RAG1: variants seen among roughly 807,000 people sequenced by gnomAD.
The protein encoded by RAG1 is V(D)J recombination-activating protein 1.
In RAG1, 35 loss-of-function variants were observed where a neutral mutation model predicts 62.7. The observed-to-expected ratio is 0.56, with a 90% CI of 0.43 to 0.74. The LOEUF is 0.74. Ranked by LOEUF, RAG1 falls within the 30% of genes least tolerant of loss-of-function variation. RAG1 has a pLI of 0.00. For missense variants in RAG1, 1,169 were observed against 1,278.6 expected (o/e 0.91, Z 1.31); for synonymous variants, 461 against 470.3 (o/e 0.98, Z 0.26).
At chr11:36,510,901 T>G (rs775240656) in exon 1 of RAG1, 1 of 152,046 alleles carries the variant, frequency 6.6e-6, no homozygotes, top group African/African-American at 2.4e-5. Context: ...CACAAAAGAG[T>G]TTCATCCACC....
chr11:36,528,953 G>A (rs940097433), intron 2 of RAG1, among the ~76,000 whole-genome samples: 10 of 152,016 alleles, frequency 6.6e-5, no homozygotes, highest in East Asian at 1.9e-4. Context: ...AGGAGAAGTC[G>A]AATCTCTGTA....
exon 1 of RAG1, chr11:36,510,872 A>G (rs1353073607): frequency 6.6e-6 from 1 of 152,220 alleles, no homozygotes; most frequent in Non-Finnish European, 1.5e-5. Flanking sequence ...AGAATGTACC[A>G]CGCGTTTTGC....
rs566413495 is a variant in RAG1, at chr11:36,527,266, T to C, written n.428+7037T>C. ...ATCTTGAGTTAATTTTTGTATAAGG[T>C]GTAAGGAAGTGATCCAGTTTCAGCT... On this transcript the variant is annotated intron_variant and non_coding_transcript_variant, in intron 2 of 2. Coordinates refer to the RAG1 transcript ENST00000529126. Among the ~76,000 whole-genome samples, 14 of 152,298 alleles carry C rather than the reference T, an allele frequency of 9.2e-5. No homozygotes were observed. The East Asian group carries it at 2.3e-3, about 25-fold the overall frequency.
At chr11:36,517,647 G>A (rs2133692099) in intron 1 of RAG1, among the ~76,000 whole-genome samples, 1 of 152,206 alleles carries the variant, frequency 6.6e-6, no homozygotes, top group East Asian at 1.9e-4. Context: ...TCTCTCATAT[G>A]GTGTGGTCGT....
rs548530615 is a variant in RAG1, at chr11:36,519,257, G to A, written n.331-875G>A. On this transcript the variant is annotated intron_variant and non_coding_transcript_variant, in intron 1 of 2. Transcript: ENST00000529126. ...GAATTTTAGCCATGACCAGACAGGT[G>A]TGTTTTCTAATGGGAAATCCCTCAA... Among the ~76,000 whole-genome samples, 11 of 152,264 alleles carry A rather than the reference G, an allele frequency of 7.2e-5. No individual in the cohort carries two copies. In the South Asian group the frequency reaches 2.3e-3, roughly 32 times the overall value.
At chr11:36,530,030 T>A (rs118093033) in intron 2 of RAG1, among the ~76,000 whole-genome samples, 1,737 of 152,170 alleles carry the variant, frequency 0.011, 18 homozygotes, top group East Asian at 0.03. Context: ...AATTATTTCA[T>A]TTTGGGTTAA....
chr11:36,529,440 A>G (rs922265533), intron 2 of RAG1, among the ~76,000 whole-genome samples: 2 of 152,214 alleles, frequency 1.3e-5, no homozygotes, highest in Non-Finnish European at 2.9e-5. Flanking sequence ...ACAAAATTGA[A>G]CAGCACTTCA....
intron 2 of RAG1, among the ~76,000 whole-genome samples, chr11:36,530,976 A>G (rs930063073): frequency 1.3e-5 from 2 of 151,692 alleles, no homozygotes; most frequent in East Asian, 1.9e-4. Context: ...TGTTTCACTT[A>G]TTTTTCAACA....
chr11:36,544,006 A>G (rs997096969), intron 3 of RAG1, among the ~76,000 whole-genome samples: 3 of 152,252 alleles, frequency 2.0e-5, no homozygotes, highest in South Asian at 4.1e-4. Flanking sequence ...GAATTCTCTC[A>G]TAGCCCTACC....
rs543163705 is a variant in RAG1 at position 36,578,856 on chromosome 11, C to T, written c.*2420C>T. Reference sequence around the variant, plus strand: ...CAATTATATACTCCAGGGAAATTCACCACACTGAATCGAGCATTTGTGTGT... The same window carrying T: ...CAATTATATACTCCAGGGAAATTCATCACACTGAATCGAGCATTTGTGTGT... On this transcript the variant is annotated 3_prime_UTR_variant, in exon 2 of 2. Coordinates refer to ENST00000299440, the MANE Select transcript of RAG1 (RefSeq NM_000448.3). 1 of 167,022 alleles carries T rather than the reference C, an allele frequency of 6.0e-6. No homozygotes were observed. The highest frequency in any genetic ancestry group is 1.9e-4 in the East Asian group (1 of 5,188). 10.3% of individuals were successfully genotyped at this position (167,022 alleles called of 1,614,324 possible). A position where few individuals can be genotyped will look rare whatever the true frequency, so the allele number is the denominator to read the frequency against.
chr11:36,512,225 A>G (rs1416676000), intron 1 of RAG1, among the ~76,000 whole-genome samples: 1 of 152,182 alleles, frequency 6.6e-6, no homozygotes. Flanking sequence ...TATCATTCCT[A>G]GGTCAAAGCG....
At chr11:36,521,906 G>T (rs1284092829) in intron 2 of RAG1, among the ~76,000 whole-genome samples, 1 of 152,112 alleles carries the variant, frequency 6.6e-6, no homozygotes, top group Non-Finnish European at 1.5e-5. Context: ...GAGATTTGTA[G>T]AACTTTGAAC....
intron 1 of RAG1, among the ~76,000 whole-genome samples, chr11:36,570,920 T>A (rs535024213): frequency 6.6e-6 from 1 of 152,360 alleles, no homozygotes; most frequent in South Asian, 2.1e-4. Flanking sequence ...TTCTGGTTAT[T>A]AATCTCTTGT....
Position 36,561,569 on chromosome 11 carries a change from C to T in RAG1, c.-411-1816C>T, listed in dbSNP as rs563191389. ...GAATGATATTAACATTTAAACTATT[C>T]GACTGAGTAAAGCCCTCCCCTATGA... is the stretch of plus-strand genomic sequence containing the variant. On this transcript the variant is annotated intron_variant and NMD_transcript_variant, in intron 3 of 9. Transcript: ENST00000534663. Among the ~76,000 whole-genome samples, 16 of 152,138 alleles carry T rather than the reference C, an allele frequency of 1.1e-4. No individual in the cohort carries two copies. In the East Asian group the frequency reaches 2.5e-3, roughly 24 times the overall value.
At chr11:36,538,658 A>C (rs1352912952), downstream of RAG1, among the ~76,000 whole-genome samples, 1 of 152,156 alleles carries the variant, frequency 6.6e-6, no homozygotes, top group Non-Finnish European at 1.5e-5. Flanking sequence ...TTTTTTGAGG[A>C]GTCTTTAACC....
chr11:36,523,665 G>A (rs915898229), intron 2 of RAG1, among the ~76,000 whole-genome samples: 3 of 152,110 alleles, frequency 2.0e-5, no homozygotes, highest in Non-Finnish European at 4.4e-5. Flanking sequence ...GTTAGAGATG[G>A]ATGTTTGGCT....
intron 2 of RAG1, among the ~76,000 whole-genome samples, chr11:36,523,321 G>A (rs533588305): frequency 7.2e-5 from 11 of 152,180 alleles, no homozygotes; most frequent in African/African-American, 1.4e-4. Flanking sequence ...AAGTTCTGAC[G>A]GTTTTAAAAA....
intron 1 of RAG1, among the ~76,000 whole-genome samples, chr11:36,514,645 T>C (rs1024078272): frequency 6.6e-6 from 1 of 152,210 alleles, no homozygotes; most frequent in Non-Finnish European, 1.5e-5. Flanking sequence ...CAGTGGCAGA[T>C]CATCAGGCAT....
chr11:36,542,652 G>A (rs1564980482), intron 3 of RAG1, among the ~76,000 whole-genome samples: 1 of 152,182 alleles, frequency 6.6e-6, no homozygotes. Flanking sequence ...AACAGTGAGA[G>A]GAGAATTGGG....
Sources: gnomAD v4.1 joint callset for allele counts (sites outside exome capture counted in the v4.1 genomes callset) on GRCh38, gnomAD v4.1.1 for gene constraint, MANE v1.5 for transcripts, NCBI Gene and HGNC (gene_info 2026-07-23, HGNC 2026-07-21) for gene names.